RIMS2: variants seen among roughly 807,000 people sequenced by gnomAD.
RIMS2 encodes regulating synaptic membrane exocytosis 2, also known as regulating synaptic membrane exocytosis protein 2.
RIMS2 carries 59 observed loss-of-function variants against 174.4 expected under a neutral mutation model. That is an observed-to-expected ratio of 0.34 (90% CI 0.27 to 0.42). RIMS2 has a LOEUF of 0.42. Ranked by LOEUF, RIMS2 falls within the 10% of genes least tolerant of loss-of-function variation. RIMS2 has a pLI of 1.00. For synonymous variants in RIMS2, 606 were observed against 572.5 expected (o/e 1.06, Z -0.84); for missense variants, 1,620 against 1,666.3 (o/e 0.97, Z 0.48).
At chr8:104,165,326 C>G (rs987650295) in intron 19 of RIMS2, among the ~76,000 whole-genome samples, 1 of 152,160 alleles carries the variant, frequency 6.6e-6, no homozygotes, top group African/African-American at 2.4e-5. Context: ...AAAATTCCCT[C>G]ACAGGTTTAC....
At chr8:104,023,085 G>C (rs879419752) in intron 19 of RIMS2, among the ~76,000 whole-genome samples, 3 of 152,172 alleles carry the variant, frequency 2.0e-5, no homozygotes, top group Non-Finnish European at 4.4e-5. Flanking sequence ...TAAAGTTCAT[G>C]AGTAAGTTTA....
chr8:103,523,173 G>A (rs1438984107), intron 1 of RIMS2, among the ~76,000 whole-genome samples: 2 of 151,334 alleles, frequency 1.3e-5, no homozygotes, highest in Non-Finnish European at 3.0e-5. Context: ...AATGGGAGAA[G>A]CACATGGGAG....
intron 17 of RIMS2, among the ~76,000 whole-genome samples, chr8:104,008,705 C>A (rs182904416): frequency 6.6e-6 from 1 of 151,746 alleles, no homozygotes; most frequent in African/African-American, 2.4e-5. Flanking sequence ...TTTTTTTCTA[C>A]GTGAATGGTG....
At chr8:103,741,723 A>T (rs909274886) in intron 2 of RIMS2, among the ~76,000 whole-genome samples, 1 of 152,116 alleles carries the variant, frequency 6.6e-6, no homozygotes, top group Non-Finnish European at 1.5e-5. Flanking sequence ...TACTGTTGAT[A>T]AAGTTATTTT....
intron 19 of RIMS2, among the ~76,000 whole-genome samples, chr8:104,088,809 T>C (rs2097580849): frequency 6.6e-6 from 1 of 151,994 alleles, no homozygotes; most frequent in Non-Finnish European, 1.5e-5. Flanking sequence ...TTGTAATTTA[T>C]TTTTTTAAGT....
At chr8:104,202,948 C>G (rs929989563) in intron 19 of RIMS2, among the ~76,000 whole-genome samples, 1 of 152,148 alleles carries the variant, frequency 6.6e-6, no homozygotes, top group South Asian at 2.1e-4. Flanking sequence ...ACTCTCATGA[C>G]CCTGGAAGTA....
chr8:103,875,175 T>A (rs1223553312), intron 3 of RIMS2, among the ~76,000 whole-genome samples: 1 of 151,996 alleles, frequency 6.6e-6, no homozygotes, highest in African/African-American at 2.4e-5. Flanking sequence ...ATGGATGAAT[T>A]GTGTAGTAGT....
intron 17 of RIMS2, among the ~76,000 whole-genome samples, chr8:104,000,798 C>G (rs886575323): frequency 1.3e-5 from 2 of 151,792 alleles, no homozygotes; most frequent in African/African-American, 4.8e-5. Flanking sequence ...ATTTGCATTT[C>G]TCTGATAATT....
intron 1 of RIMS2, among the ~76,000 whole-genome samples, chr8:103,532,877 A>G (rs1837892981): frequency 6.6e-6 from 1 of 152,252 alleles, no homozygotes; most frequent in Non-Finnish European, 1.5e-5. Context: ...AAAAAAAGAA[A>G]AAAGGGAAAA....
chr8:104,199,222 C>T (rs571374000), intron 19 of RIMS2, among the ~76,000 whole-genome samples: 121 of 152,042 alleles, frequency 8.0e-4, no homozygotes, highest in African/African-American at 2.2e-3. Flanking sequence ...CCACCACGCC[C>T]GGCTAATTTT....
intron 19 of RIMS2, among the ~76,000 whole-genome samples, chr8:104,198,863 G>A (rs1316123024): frequency 2.0e-5 from 3 of 152,028 alleles, no homozygotes; most frequent in Non-Finnish European, 4.4e-5. Flanking sequence ...ATATTAAATC[G>A]ATTAATAGGA....
At position 103,915,550 on chromosome 8, in the gene RIMS2, TA is replaced by T. The variant is rs1282720554; in HGVS notation, c.1875del (p.Gly626GlufsTer3). On this transcript the variant is annotated frameshift_variant, in exon 7 of 24. Coordinates refer to ENST00000504942, the Ensembl canonical transcript of RIMS2. LOFTEE classifies it high-confidence loss of function. ...CGGCTTTGTGCATTTATTACTAAAG[TA>T]AAAAAAGGAAGTTTAGCTGATACTG... is the stretch of plus-strand genomic sequence containing the variant. 2 of 1,606,640 alleles carry T rather than the reference TA, an allele frequency of 1.2e-6. No homozygotes were observed. The highest frequency in any genetic ancestry group is 1.7e-6 in the Non-Finnish European group (2 of 1,174,786).
At chr8:104,013,478 A>G (rs745779786) in exon 18 of RIMS2, 1 of 1,613,872 alleles carries the variant, frequency 6.2e-7, no homozygotes, top group South Asian at 1.1e-5. Flanking sequence ...CATATCACAG[A>G]TCCAGATCAA....
chr8:104,023,146 A>G (rs2096151801), intron 19 of RIMS2, among the ~76,000 whole-genome samples: 1 of 152,124 alleles, frequency 6.6e-6, no homozygotes, highest in Non-Finnish European at 1.5e-5. Flanking sequence ...GGATATGTTA[A>G]AGTATATTGT....
At chr8:104,054,392 A>G (rs945549480) in intron 19 of RIMS2, among the ~76,000 whole-genome samples, 1 of 152,296 alleles carries the variant, frequency 6.6e-6, no homozygotes, top group Middle Eastern at 3.4e-3. Context: ...GTGTCCAAGC[A>G]TGAGTACTAT....
chr8:104,167,626 T>C (rs2135237831), intron 19 of RIMS2, among the ~76,000 whole-genome samples: 1 of 152,290 alleles, frequency 6.6e-6, no homozygotes, highest in African/African-American at 2.4e-5. Flanking sequence ...CTGTGGGTTG[T>C]CTATTTACCC....
At chr8:103,850,193 T>A (rs982024962) in intron 3 of RIMS2, among the ~76,000 whole-genome samples, 1 of 152,078 alleles carries the variant, frequency 6.6e-6, no homozygotes, top group African/African-American at 2.4e-5. Context: ...TAGTCTTTAC[T>A]GTTTAAATAT....
At chr8:103,587,464 G>GAAAGAA (rs201617211) in intron 1 of RIMS2, among the ~76,000 whole-genome samples, 1 of 103,918 alleles carries the variant, frequency 9.6e-6, no homozygotes, top group Admixed American at 9.5e-5. Flanking sequence ...AAGAAAGAAA[G>GAAAGAA]AAAGAAACTA....
intron 3 of RIMS2, among the ~76,000 whole-genome samples, chr8:103,798,963 A>G (rs1009622356): frequency 6.7e-6 from 1 of 149,510 alleles, no homozygotes. Context: ...TAGAAGGAGG[A>G]GAGATTCAAA....
Sources: gnomAD v4.1 joint callset for allele counts (sites outside exome capture counted in the v4.1 genomes callset) on GRCh38, gnomAD v4.1.1 for gene constraint, MANE v1.5 for transcripts, NCBI Gene and HGNC (gene_info 2026-07-23, HGNC 2026-07-21) for gene names.